GATB: variants seen among roughly 807,000 people sequenced by gnomAD.
GATB encodes glutamyl-tRNA(Gln) amidotransferase subunit B, mitochondrial.
Under a neutral mutation model 62.3 loss-of-function variants are expected in GATB, and 39 were observed. That is an observed-to-expected ratio of 0.63 (90% CI 0.48 to 0.82). The LOEUF is 0.82. Ranked by LOEUF, GATB falls within the 40% of genes least tolerant of loss-of-function variation. The pLI, the probability that GATB is intolerant of heterozygous loss-of-function variation, is 0.00. For missense variants in GATB, 670 were observed against 684.0 expected (o/e 0.98, Z 0.23); for synonymous variants, 276 against 258.9 (o/e 1.07, Z -0.63).
At chr4:151,751,084 T>C (rs527363662) in intron 2 of GATB, among the ~76,000 whole-genome samples, 8 of 152,256 alleles carry the variant, frequency 5.3e-5, no homozygotes, top group African/African-American at 1.7e-4. Flanking sequence ...AGCCATTACA[T>C]GCATGAGCTT....
chr4:151,756,163 A>T (rs1312814938), intron 2 of GATB, among the ~76,000 whole-genome samples: 2 of 152,218 alleles, frequency 1.3e-5, no homozygotes, highest in Admixed American at 1.3e-4. Flanking sequence ...GCGCAGAAAG[A>T]GTTTCAAGTA....
chr4:151,694,069 A>C (rs1240074683), intron 9 of GATB, among the ~76,000 whole-genome samples: 6 of 152,186 alleles, frequency 3.9e-5, no homozygotes, highest in African/African-American at 1.2e-4. Flanking sequence ...AACGCACCTA[A>C]CACCACCACT....
rs773748926 is a variant in GATB at position 151,717,063 on chromosome 4, T to C, written c.453A>G (p.Gln151=). The C allele has an allele frequency of 1.2e-6, 2 of 1,614,132 alleles. No homozygotes were observed. The highest frequency in any genetic ancestry group is 1.1e-5 in the South Asian group (1 of 91,066). Residue 151 remains glutamine, a synonymous_variant, in exon 4 of 13, where the codon CAA becomes CAG. Transcript: ENST00000263985. ...CAATTGGGAGCCTCTGCTGGGTAAT[T>C]TGGTAGCCTGCCTGCACACAAACAT... ...YFYADLPAGY[Q]ITQQRLPIAV...
chr4:151,704,142 C>T (rs1000668249), intron 7 of GATB, among the ~76,000 whole-genome samples: 6 of 151,240 alleles, frequency 4.0e-5, no homozygotes, highest in Admixed American at 1.3e-4. Context: ...AGCTCAAACT[C>T]GGCTTTTGAG....
intron 2 of GATB, among the ~76,000 whole-genome samples, chr4:151,734,548 C>A (rs1005574166): frequency 6.6e-6 from 1 of 152,060 alleles, no homozygotes; most frequent in African/African-American, 2.4e-5. Flanking sequence ...TCAACACAAT[C>A]CCCATCAAAA....
chr4:151,732,674 G>A (rs571137407), intron 2 of GATB, among the ~76,000 whole-genome samples: 1 of 145,668 alleles, frequency 6.9e-6, no homozygotes, highest in Non-Finnish European at 1.5e-5. Context: ...CTATGACCCT[G>A]CCAAATCCCC....
chr4:151,712,866 C>A (rs1344741358), intron 5 of GATB, among the ~76,000 whole-genome samples: 1 of 152,196 alleles, frequency 6.6e-6, no homozygotes, highest in East Asian at 1.9e-4. Context: ...TAGCTTTAGT[C>A]AGAAGTCCCC....
intron 6 of GATB, among the ~76,000 whole-genome samples, chr4:151,706,151 A>G (rs1347268251): frequency 1.3e-5 from 2 of 152,240 alleles, no homozygotes; most frequent in Non-Finnish European, 2.9e-5. Context: ...TTTGGTTGAC[A>G]CGAGATGATG....
At chr4:151,742,282 A>T (rs1232619109) in intron 2 of GATB, among the ~76,000 whole-genome samples, 1 of 151,854 alleles carries the variant, frequency 6.6e-6, no homozygotes, top group Non-Finnish European at 1.5e-5. Flanking sequence ...TAGAGACGGC[A>T]TTTCACCGTG....
At chr4:151,745,231 T>C (rs938717096) in intron 2 of GATB, among the ~76,000 whole-genome samples, 3 of 152,164 alleles carry the variant, frequency 2.0e-5, no homozygotes, top group African/African-American at 7.2e-5. Context: ...ATTATAAATG[T>C]ACGTATTTAA....
intron 1 of GATB, among the ~76,000 whole-genome samples, chr4:151,759,560 C>A (rs192640563): frequency 6.6e-6 from 1 of 152,032 alleles, no homozygotes; most frequent in African/African-American, 2.4e-5. Context: ...ATTTTTGGTC[C>A]CCCAAATCAC....
Position 151,703,023 on chromosome 4 carries a change from C to A in GATB, c.1007+828G>T, listed in dbSNP as rs1417076403. 3.3e-5 allele frequency among the ~76,000 whole-genome samples: 5 copies of A among 152,112 alleles called. No individual in the cohort carries two copies. In the East Asian group the frequency reaches 9.6e-4, roughly 29 times the overall value. ...GACTCCACACTCAGGGGAAGGCGCACCAACAGGGGAGGGAGCAACACTCAG... is the reference window on the plus strand; with the variant it reads ...GACTCCACACTCAGGGGAAGGCGCAACAACAGGGGAGGGAGCAACACTCAG... On this transcript the variant is annotated intron_variant, in intron 8 of 12. Transcript: ENST00000263985.
At chr4:151,693,406 C>A (rs1207691234) in intron 9 of GATB, among the ~76,000 whole-genome samples, 3 of 152,276 alleles carry the variant, frequency 2.0e-5, no homozygotes, top group Non-Finnish European at 4.4e-5. Context: ...AGCGAGTGCT[C>A]CTGTGAACAG....
chr4:151,706,500 CCT>C (rs1738718644), intron 6 of GATB, among the ~76,000 whole-genome samples: 1 of 152,190 alleles, frequency 6.6e-6, no homozygotes, highest in East Asian at 1.9e-4. Flanking sequence ...AAGGGTTTTC[CCT>C]GACTCAAACC....
intron 6 of GATB, among the ~76,000 whole-genome samples, chr4:151,706,016 TC>T (rs1187664165): frequency 1.3e-5 from 2 of 152,092 alleles, no homozygotes; most frequent in Non-Finnish European, 2.9e-5. Flanking sequence ...ACCTTAACTC[TC>T]CCTCCCACCA....
At chr4:151,682,363 AC>A (rs1738157075) in intron 10 of GATB, among the ~76,000 whole-genome samples, 1 of 152,064 alleles carries the variant, frequency 6.6e-6, no homozygotes, top group Non-Finnish European at 1.5e-5. Context: ...ACCCCGAAAG[AC>A]CCCACTCATC....
chr4:151,750,124 G>A (rs57738655), intron 2 of GATB, among the ~76,000 whole-genome samples: 34 of 152,176 alleles, frequency 2.2e-4, no homozygotes, highest in Admixed American at 3.9e-4. Flanking sequence ...CTCGTGATCC[G>A]CCCACCTCGG....
intron 11 of GATB, chr4:151,677,206 T>TC (rs1452189275): frequency 6.6e-6 from 1 of 152,238 alleles, no homozygotes; most frequent in African/African-American, 2.4e-5. Context: ...ATGCTTGGAC[T>TC]CTTCTATTAA....
chr4:151,747,698 C>T (rs1739630120), intron 2 of GATB, among the ~76,000 whole-genome samples: 1 of 152,232 alleles, frequency 6.6e-6, no homozygotes, highest in African/African-American at 2.4e-5. Context: ...ATGCAGACTT[C>T]TCATCAGCAA....
Sources: allele counts gnomAD v4.1 joint callset (sites outside exome capture counted in the v4.1 genomes callset), GRCh38; gene constraint gnomAD v4.1.1; transcripts MANE v1.5; gene names NCBI Gene and HGNC (gene_info 2026-07-23, HGNC 2026-07-21).